ADAMTSL1: variants seen among roughly 807,000 people sequenced by gnomAD.
ADAMTSL1 encodes ADAMTS like 1.
In ADAMTSL1, 126 loss-of-function variants were observed where a neutral mutation model predicts 201.8. The observed-to-expected ratio is 0.62, with a 90% CI of 0.54 to 0.72. ADAMTSL1 has a LOEUF of 0.72. ADAMTSL1 is among the 30% of genes least tolerant of loss of function. The pLI, the probability that ADAMTSL1 is intolerant of heterozygous loss-of-function variation, is 0.00. For missense variants in ADAMTSL1, 2,679 were observed against 2,277.8 expected (o/e 1.18, Z -3.59); for synonymous variants, 1,121 against 903.4 (o/e 1.24, Z -4.32).
chr9:18,491,297 T>C (rs1822260701), intron 1 of ADAMTSL1, among the ~76,000 whole-genome samples: 1 of 152,212 alleles, frequency 6.6e-6, no homozygotes, highest in Non-Finnish European at 1.5e-5. Context: ...CTGAGGCATT[T>C]TGGTAATTCT....
chr9:18,862,098 T>C (rs921609457), intron 23 of ADAMTSL1, among the ~76,000 whole-genome samples: 1 of 152,198 alleles, frequency 6.6e-6, no homozygotes, highest in Non-Finnish European at 1.5e-5. Context: ...AACCCTGTGC[T>C]GTGCCCAGTG....
chr9:18,260,627 G>C (rs1216766796), intron 2 of ADAMTSL1, among the ~76,000 whole-genome samples: 1 of 152,218 alleles, frequency 6.6e-6, no homozygotes, highest in Non-Finnish European at 1.5e-5. Context: ...CAGGGGCCTT[G>C]GCATTGTTTC....
chr9:18,526,244 A>G (rs924516914), intron 2 of ADAMTSL1, among the ~76,000 whole-genome samples: 1 of 152,116 alleles, frequency 6.6e-6, no homozygotes, highest in East Asian at 1.9e-4. Flanking sequence ...AGTTTGTTTT[A>G]TCAGAGACTA....
At chr9:17,931,320 G>C (rs1159322493) in intron 1 of ADAMTSL1, among the ~76,000 whole-genome samples, 2 of 151,954 alleles carry the variant, frequency 1.3e-5, no homozygotes, top group African/African-American at 4.8e-5. Context: ...TTAGCAGAAA[G>C]AAAGAATTCA....
At chr9:18,686,697 G>A (rs74377256) in intron 13 of ADAMTSL1, among the ~76,000 whole-genome samples, 3,166 of 152,170 alleles carry the variant, frequency 0.021, 40 homozygotes, top group Middle Eastern at 0.051. Context: ...ATAATCTTGC[G>A]TTCTGGCTGA....
chr9:18,894,428 C>T (rs940394160), intron 26 of ADAMTSL1, among the ~76,000 whole-genome samples: 13 of 135,502 alleles, frequency 9.6e-5, no homozygotes, highest in African/African-American at 3.7e-4. Context: ...GAAAGAGAAA[C>T]CTAATCTAGG....
intron 1 of ADAMTSL1, among the ~76,000 whole-genome samples, chr9:18,037,593 A>T (rs1303059955): frequency 6.6e-6 from 1 of 152,228 alleles, no homozygotes; most frequent in Non-Finnish European, 1.5e-5. Context: ...AGGAGATAGT[A>T]ATTAAATGCT....
At chr9:18,523,212 T>A (rs964310649) in intron 2 of ADAMTSL1, among the ~76,000 whole-genome samples, 1 of 152,272 alleles carries the variant, frequency 6.6e-6, no homozygotes, top group East Asian at 1.9e-4. Flanking sequence ...CATTTTTTCA[T>A]GTGTCTGTTG....
chr9:18,359,815 A>G (rs979024015), intron 2 of ADAMTSL1, among the ~76,000 whole-genome samples: 3 of 46,880 alleles, frequency 6.4e-5, no homozygotes, highest in South Asian at 1.1e-3. Flanking sequence ...TTAATGCCCC[A>G]CCTCCCCACC....
chr9:18,193,512 C>T (rs941178053), intron 2 of ADAMTSL1, among the ~76,000 whole-genome samples: 2 of 152,076 alleles, frequency 1.3e-5, no homozygotes, highest in Non-Finnish European at 2.9e-5. Flanking sequence ...TCCTCTGGTT[C>T]TCTCCCTCCC....
chr9:18,233,623 A>C lies in ADAMTSL1; in HGVS notation c.207+69642A>C, dbSNP rs1587365224. Among the ~76,000 whole-genome samples the C allele has an allele frequency of 2.1e-5, 3 of 142,310 alleles. No individual in the cohort carries two copies. In the South Asian group the frequency reaches 6.3e-4, roughly 30 times the overall value. 93.4% of individuals were successfully genotyped at this position (142,310 alleles called of 152,430 possible). On this transcript the variant is annotated intron_variant, in intron 2 of 29. Transcript: ENST00000680146. ...TGCGAGGTGAGACAGACAGCAGACA[A>C]AGAGATGAGAAATTGTGAAATAAGA...
intron 1 of ADAMTSL1, among the ~76,000 whole-genome samples, chr9:18,024,708 A>G (rs894935462): frequency 4.6e-5 from 7 of 152,074 alleles, no homozygotes; most frequent in Non-Finnish European, 8.8e-5. Context: ...GCCCTTGTGC[A>G]TAGTGCTGCA....
intron 2 of ADAMTSL1, among the ~76,000 whole-genome samples, chr9:18,356,551 A>AG (rs1267998526): frequency 3.7e-5 from 5 of 134,166 alleles, no homozygotes; most frequent in African/African-American, 1.4e-4. Flanking sequence ...AAAAAAAAAA[A>AG]GGCTATCATC....
intron 4 of ADAMTSL1, among the ~76,000 whole-genome samples, chr9:18,605,034 C>G (rs185185750): frequency 7.3e-4 from 111 of 152,228 alleles, no homozygotes; most frequent in African/African-American, 2.6e-3. Flanking sequence ...GATCATGATA[C>G]TAAAATTACT....
At chr9:18,553,921 C>T (rs1820946179) in intron 3 of ADAMTSL1, among the ~76,000 whole-genome samples, 1 of 151,754 alleles carries the variant, frequency 6.6e-6, no homozygotes, top group Non-Finnish European at 1.5e-5. Flanking sequence ...ACTTCTGAAT[C>T]TGAGGATTTG....
At chr9:18,248,352 C>G (rs943327010) in intron 2 of ADAMTSL1, among the ~76,000 whole-genome samples, 4 of 152,128 alleles carry the variant, frequency 2.6e-5, no homozygotes, top group African/African-American at 9.7e-5. Flanking sequence ...ATGTAAAAAG[C>G]TTGGCTTCCC....
chr9:18,274,572 T>A (rs7855589), intron 2 of ADAMTSL1, among the ~76,000 whole-genome samples: 1 of 151,818 alleles, frequency 6.6e-6, no homozygotes, highest in Non-Finnish European at 1.5e-5. Context: ...CAAAAAAAAA[T>A]ATTCATTATG....
intron 2 of ADAMTSL1, among the ~76,000 whole-genome samples, chr9:18,277,081 G>C (rs1270880250): frequency 6.6e-6 from 1 of 152,078 alleles, no homozygotes; most frequent in African/African-American, 2.4e-5. Context: ...TTTGTTTCTA[G>C]TTTCATACTA....
At chr9:18,132,243 A>G (rs1226461091) in intron 1 of ADAMTSL1, among the ~76,000 whole-genome samples, 1 of 152,072 alleles carries the variant, frequency 6.6e-6, no homozygotes, top group Non-Finnish European at 1.5e-5. Context: ...CTTTTCCTTC[A>G]TCTCCTACAT....
Sources: allele counts gnomAD v4.1 joint callset (sites outside exome capture counted in the v4.1 genomes callset), GRCh38; gene constraint gnomAD v4.1.1; transcripts MANE v1.5; gene names NCBI Gene and HGNC (gene_info 2026-07-23, HGNC 2026-07-21).